Variants in DSCAM observed in about 807,000 individuals in gnomAD.
DSCAM encodes the protein DS cell adhesion molecule.
In DSCAM, 47 loss-of-function variants were observed where a neutral mutation model predicts 217.7. The ratio of observed to expected loss-of-function variants is 0.22; its 90% CI spans 0.17 to 0.28. The LOEUF is 0.28. Ranked by LOEUF, DSCAM falls within the 10% of genes least tolerant of loss-of-function variation. The pLI, the probability that DSCAM is intolerant of heterozygous loss-of-function variation, is 1.00. For missense variants in DSCAM, 2,080 were observed against 2,618.3 expected, an observed-to-expected ratio of 0.79 and a Z score of 4.49; for synonymous variants, 1,056 against 1,015.3, an observed-to-expected ratio of 1.04 and a Z score of -0.76.
chr21:40,292,712 CAGAAGTCATT>C (rs757940507), intron 10 of DSCAM, among the ~76,000 whole-genome samples: 32 of 151,906 alleles, frequency 2.1e-4, no homozygotes, highest in African/African-American at 2.9e-4. Context: ...ATAAATGTGA[CAGAAGTCATT>C]AGAAGTCATT....
At chr21:40,346,040 T>C (rs2074554369) in intron 6 of DSCAM, among the ~76,000 whole-genome samples, 1 of 152,238 alleles carries the variant, frequency 6.6e-6, no homozygotes, top group Admixed American at 6.5e-5. Flanking sequence ...GACATCGTTA[T>C]GGATCATCAA....
intron 3 of DSCAM, among the ~76,000 whole-genome samples, chr21:40,540,781 C>T (rs866742714): frequency 2.0e-5 from 3 of 152,112 alleles, no homozygotes; most frequent in African/African-American, 7.2e-5. Context: ...AACTTCAATC[C>T]GTTTTTAATG....
chr21:40,375,621 G>T (rs978177625), intron 3 of DSCAM, among the ~76,000 whole-genome samples: 3 of 152,206 alleles, frequency 2.0e-5, no homozygotes, highest in Non-Finnish European at 2.9e-5. Flanking sequence ...TCTTGTACAT[G>T]TGCATGAGAT....
At chr21:40,493,887 C>CATATATATATAT (rs71330395) in intron 3 of DSCAM, among the ~76,000 whole-genome samples, 2 of 141,486 alleles carry the variant, frequency 1.4e-5, no homozygotes, top group African/African-American at 2.6e-5. Context: ...AAAATATATA[C>CATATATATATAT]ATATATATAC....
intron 24 of DSCAM, among the ~76,000 whole-genome samples, chr21:40,081,240 G>T (rs1285321011): frequency 6.6e-6 from 1 of 152,112 alleles, no homozygotes; most frequent in Non-Finnish European, 1.5e-5. Context: ...TGGCTAGCTG[G>T]CCTGGAACAT....
intron 14 of DSCAM, 90 bp from the exon 15 acceptor site, chr21:40,179,184 CAAA>C (rs11286508): frequency 4.3e-3 from 439 of 102,464 alleles, no homozygotes; most frequent in South Asian, 7.5e-3. Context: ...AATTAAAAAC[CAAA>C]AAAAAAAAAA....
At chr21:40,797,411 A>C (rs2091701203) in intron 1 of DSCAM, among the ~76,000 whole-genome samples, 1 of 152,214 alleles carries the variant, frequency 6.6e-6, no homozygotes. Flanking sequence ...GAAATGAATA[A>C]TGATATTTCA....
At chr21:40,147,253 G>A (rs1159541127) in intron 16 of DSCAM, among the ~76,000 whole-genome samples, 1 of 152,144 alleles carries the variant, frequency 6.6e-6, no homozygotes, top group Non-Finnish European at 1.5e-5. Flanking sequence ...CACCAATTTA[G>A]CTAAATCCTC....
At chr21:40,575,285 C>A (rs892491296) in intron 3 of DSCAM, among the ~76,000 whole-genome samples, 15 of 150,462 alleles carry the variant, frequency 1.0e-4, no homozygotes, top group Admixed American at 5.4e-4. Flanking sequence ...TCTTATAAAA[C>A]AGTCCCACCC....
chr21:40,678,252 T>C (rs1338459549), intron 3 of DSCAM, among the ~76,000 whole-genome samples: 5 of 152,188 alleles, frequency 3.3e-5, no homozygotes, highest in African/African-American at 1.2e-4. Flanking sequence ...AAACAGGTCA[T>C]ATAATTTTTA....
At chr21:40,369,353 A>ATGAAAAGG in intron 3 of DSCAM, 108 bp from the exon 4 acceptor site, 1 of 1,126,810 alleles carries the variant, frequency 8.9e-7, no homozygotes, top group African/African-American at 1.6e-5. Context: ...AAGAAACTTA[A>ATGAAAAGG]TGAAAAGGCT....
intron 28 of DSCAM, among the ~76,000 whole-genome samples, chr21:40,062,140 A>T (rs2146518795): frequency 6.6e-6 from 1 of 152,364 alleles, no homozygotes; most frequent in South Asian, 2.1e-4. Context: ...ACTGGGTGGA[A>T]AATAGAGTTT....
chr21:40,157,572 C>G (rs1486334019), intron 16 of DSCAM, among the ~76,000 whole-genome samples: 2 of 152,242 alleles, frequency 1.3e-5, no homozygotes, highest in Non-Finnish European at 2.9e-5. Flanking sequence ...ATAGTAATGT[C>G]TGCAGTAACA....
At chr21:40,613,905 G>A (rs1346119616) in intron 3 of DSCAM, among the ~76,000 whole-genome samples, 1 of 152,144 alleles carries the variant, frequency 6.6e-6, no homozygotes, top group Non-Finnish European at 1.5e-5. Flanking sequence ...ACAAATATGG[G>A]ATAATTAGAA....
intron 10 of DSCAM, 127 bp from the exon 11 acceptor site, chr21:40,276,397 A>G: frequency 4.2e-6 from 3 of 717,320 alleles, no homozygotes; most frequent in Non-Finnish European, 5.9e-6. Context: ...GTCACGGGAT[A>G]CACCAGGTTT....
intron 20 of DSCAM, among the ~76,000 whole-genome samples, chr21:40,102,063 G>A (rs1227572583): frequency 3.3e-5 from 5 of 150,704 alleles, no homozygotes; most frequent in Non-Finnish European, 7.4e-5. Context: ...TGCCCCCGGG[G>A]AGCAAGAAGT....
At chr21:40,050,487 C>CT (rs34197777) in intron 30 of DSCAM, among the ~76,000 whole-genome samples, 65,037 of 146,692 alleles carry the variant, frequency 0.44, 14,681 homozygotes, top group African/African-American at 0.53. Context: ...GCCCTTGAAT[C>CT]TTTTTTTTTT....
At chr21:40,014,507 C>T (rs741796) in intron 32 of DSCAM, among the ~76,000 whole-genome samples, 9 of 152,228 alleles carry the variant, frequency 5.9e-5, no homozygotes, top group Non-Finnish European at 1.2e-4. Context: ...CAATGACAAG[C>T]GTGACAGGGC....
rs755024763 is a variant in DSCAM, at chr21:40,144,065, C to G, written c.3259+426G>C. ...ACTGTGCAATCTGAAAATTCCTTTT[C>G]TCTGTACTCAGAATGCTTGAAAATA... is the stretch of plus-strand genomic sequence containing the variant. On this transcript the variant is annotated intron_variant, in intron 17 of 32. Transcript: ENST00000400454. The surrounding 1 kb of genome is among the most constrained non-coding windows in gnomAD (Gnocchi z 4.8). Among the ~76,000 whole-genome samples, 4 of 152,012 alleles carry G rather than the reference C, an allele frequency of 2.6e-5. No homozygotes were observed. Among genetic ancestry groups the G allele is most frequent in the Non-Finnish European group, 4.4e-5 (3 of 68,014 alleles).
Sources: allele counts gnomAD v4.1 joint callset (sites outside exome capture counted in the v4.1 genomes callset), GRCh38; gene constraint gnomAD v4.1.1; non-coding constraint Gnocchi (gnomAD v3.1); transcripts MANE v1.5; gene names NCBI Gene and HGNC (gene_info 2026-07-23, HGNC 2026-07-21).